The following IDH3A variants were observed in gnomAD, a reference collection of about 807,000 sequenced individuals.
IDH3A encodes isocitrate dehydrogenase [NAD] subunit alpha, mitochondrial.
A neutral mutation model predicts 43.3 loss-of-function variants in IDH3A; 23 were observed. The observed-to-expected ratio is 0.53, with a 90% confidence interval of 0.38 to 0.75. The LOEUF (loss-of-function observed/expected upper bound fraction) is 0.75, where lower values mean the gene tolerates loss of function less well. IDH3A is among the 30% of genes least tolerant of loss of function. The probability of loss-of-function intolerance (pLI) is 0.00; values close to 1 mark genes in which losing one functional copy is unlikely to be tolerated. For missense variants in IDH3A, 329 were observed against 474.4 expected, an observed-to-expected ratio of 0.69 and a Z score of 2.85; for synonymous variants, 154 against 163.5, an observed-to-expected ratio of 0.94 and a Z score of 0.44.
rs1330158260 is a variant in IDH3A, at chr15:78,171,616, T to C, written c.*2611T>C. 7 of 1,112,670 alleles carry C rather than the reference T, an allele frequency of 6.3e-6. No homozygotes were observed. The highest frequency in any genetic ancestry group is 1.6e-5 in the African/African-American group (1 of 63,844). 68.9% of individuals were successfully genotyped at this position (1,112,670 alleles called of 1,614,324 possible). A position where few individuals can be genotyped will look rare whatever the true frequency, so the allele number is the denominator to read the frequency against. On this transcript the variant is annotated 3_prime_UTR_variant, in exon 11 of 11. Coordinates refer to ENST00000299518, the MANE Select transcript of IDH3A (RefSeq NM_005530.3). ...TGGTAAAGACTCACACTCAGTCCTA[T>C]ATATAACTCAGGAATTAAGCCAGAT...
chr15:78,168,640 G>T, intron 10 of IDH3A: 1 of 268,926 alleles, frequency 3.7e-6, no homozygotes, highest in Non-Finnish European at 7.0e-6. Context: ...AGGGTCTATT[G>T]TGTGAACAAA....
At chr15:78,159,352 TA>T (rs2074658421) in intron 3 of IDH3A, among the ~76,000 whole-genome samples, 1 of 152,146 alleles carries the variant, frequency 6.6e-6, no homozygotes, top group African/African-American at 2.4e-5. Context: ...CTACTTTCTG[TA>T]TCTGTAGATT....
chr15:78,163,803 T>A, intron 8 of IDH3A, 23 bp downstream of exon 8: 1 of 1,488,732 alleles, frequency 6.7e-7, no homozygotes. Flanking sequence ...GCAACCTATT[T>A]ATTTTAGCCT....
rs1009961229 is a variant in IDH3A, at chr15:78,157,534, T to A, written c.91-14T>A. 1 of 1,570,842 alleles carries A rather than the reference T, an allele frequency of 6.4e-7. No homozygotes were observed. On this transcript the variant is annotated splice_polypyrimidine_tract_variant and intron_variant, in intron 2 of 10. Transcript: ENST00000299518. ...AAATTCTTACTGTCTTCTTTGATGA[T>A]TTCTTATGTTCAGGTTCAGACAGTA...
rs1400405624 is a variant in IDH3A at position 78,161,406 on chromosome 15, G to T, written c.290-175G>T. On this transcript the variant is annotated intron_variant, in intron 4 of 10. Coordinates refer to ENST00000299518, the MANE Select transcript of IDH3A (RefSeq NM_005530.3). This position sits in a 1 kb window ranked among gnomAD's most constrained non-coding sequence, Gnocchi z 4.8. ...TCAGGAAGTTCTGAAGATAAGAAAC[G>T]CAGTTAATGTTCCAGAAAGCTCCCG... 6.6e-6 allele frequency among the ~76,000 whole-genome samples: 1 copy of T among 152,132 alleles called. No individual in the cohort carries two copies. Among genetic ancestry groups the T allele is most frequent in the African/African-American group, 2.4e-5 (1 of 41,434 alleles).
At chr15:78,157,406 G>A (rs12904688) in intron 2 of IDH3A, 142 bp from the exon 3 acceptor site, 86 of 652,436 alleles carry the variant, frequency 1.3e-4, no homozygotes, top group East Asian at 9.3e-4. Context: ...GATGACCCCC[G>A]GGGAGGTATG....
rs147906870 is a variant in IDH3A at position 78,162,990 on chromosome 15, G to A, written c.612-517G>A. On this transcript the variant is annotated intron_variant, in intron 6 of 10. Coordinates refer to ENST00000299518, the MANE Select transcript of IDH3A (RefSeq NM_005530.3). ...AGCCTCGGGGTCCCCAGATGCTGTGGCCATCAGCAGAGGCCACATAGCGTA... is the reference window on the plus strand; with the variant it reads ...AGCCTCGGGGTCCCCAGATGCTGTGACCATCAGCAGAGGCCACATAGCGTA... Among the ~76,000 whole-genome samples, 14 of 152,280 alleles carry A rather than the reference G, an allele frequency of 9.2e-5. No individual in the cohort carries two copies. In the East Asian group the frequency reaches 1.9e-3, roughly 21 times the overall value.
intron 2 of IDH3A, among the ~76,000 whole-genome samples, chr15:78,156,123 A>G (rs971901096): frequency 3.9e-5 from 6 of 152,222 alleles, no homozygotes; most frequent in African/African-American, 1.4e-4. Context: ...GGCTCTGCTT[A>G]TGCCAAAAAT....
chr15:78,165,306 C>G (rs1462458623), intron 9 of IDH3A, among the ~76,000 whole-genome samples: 2 of 152,094 alleles, frequency 1.3e-5, no homozygotes, highest in Non-Finnish European at 2.9e-5. Flanking sequence ...ATTCTCCTGC[C>G]TCAGCCTCTC....
At chr15:78,156,596 G>A (rs1162210995) in intron 2 of IDH3A, among the ~76,000 whole-genome samples, 1 of 152,194 alleles carries the variant, frequency 6.6e-6, no homozygotes, top group Non-Finnish European at 1.5e-5. Context: ...ATCATTGGAA[G>A]GCAAAGGACC....
intron 2 of IDH3A, 140 bp from the exon 3 acceptor site, chr15:78,157,408 G>A: frequency 1.5e-6 from 1 of 656,582 alleles, no homozygotes; most frequent in Non-Finnish European, 2.5e-6. Flanking sequence ...TGACCCCCGG[G>A]GAGGTATGTT....
At chr15:78,162,640 G>A (rs1387707879) in intron 6 of IDH3A, among the ~76,000 whole-genome samples, 1 of 151,278 alleles carries the variant, frequency 6.6e-6, no homozygotes, top group Non-Finnish European at 1.5e-5. Context: ...CCGCCTCCCG[G>A]GTTCCAGCAA....
chr15:78,171,502 G>C lies in IDH3A; in HGVS notation c.*2497G>C, dbSNP rs1037669159. The C allele has an allele frequency of 6.2e-7, 1 of 1,614,174 alleles. No homozygotes were observed. Among genetic ancestry groups the C allele is most frequent in the Non-Finnish European group, 8.5e-7 (1 of 1,180,012 alleles). On this transcript the variant is annotated 3_prime_UTR_variant, in exon 11 of 11. Transcript: ENST00000299518. ...GATACCTTTGTACTTCTCCAAAACT[G>C]TGAGCCGTTTCAGTTTCATCGTGGG...
At position 78,161,853 on chromosome 15, in the gene IDH3A, CTG is replaced by C; in HGVS notation, c.477+88_477+89del. 1.7e-6 allele frequency: 2 copies of C among 1,191,704 alleles called. No homozygotes were observed. The highest frequency in any genetic ancestry group is 2.7e-5 in the South Asian group (2 of 74,422). 73.8% of individuals were successfully genotyped at this position (1,191,704 alleles called of 1,614,324 possible). ...CCCCAGAGACAGATCTGCTTTATCT[CTG>C]TGAGGAGTTGTGGGTGTTTGTCTTG... On this transcript the variant is annotated intron_variant, in intron 5 of 10. Coordinates refer to ENST00000299518, the MANE Select transcript of IDH3A (RefSeq NM_005530.3). This position sits in a 1 kb window ranked among gnomAD's most constrained non-coding sequence, Gnocchi z 4.8.
At chr15:78,158,332 T>C (rs959183293) in intron 3 of IDH3A, among the ~76,000 whole-genome samples, 12 of 151,354 alleles carry the variant, frequency 7.9e-5, no homozygotes, top group Admixed American at 7.9e-4. Flanking sequence ...TGAGCTCGTG[T>C]CCTAGGACAT....
Position 78,161,865 on chromosome 15 carries a change from G to A in IDH3A, c.477+97G>A. The A allele has an allele frequency of 9.2e-7, 1 of 1,083,962 alleles. No homozygotes were observed. The highest frequency in any genetic ancestry group is 1.4e-6 in the Non-Finnish European group (1 of 728,830). The allele number at this position is 1,083,962 out of a possible 1,614,324, so 67.1% of individuals were successfully genotyped here. On this transcript the variant is annotated intron_variant, in intron 5 of 10. Transcript: ENST00000299518. This position sits in a 1 kb window ranked among gnomAD's most constrained non-coding sequence, Gnocchi z 4.8. ...ATCTGCTTTATCTCTGTGAGGAGTT[G>A]TGGGTGTTTGTCTTGGTGCTGGGTG...
intron 9 of IDH3A, among the ~76,000 whole-genome samples, 198 bp downstream of exon 9, chr15:78,165,274 C>A (rs1324669321): frequency 6.6e-6 from 1 of 152,116 alleles, no homozygotes; most frequent in Non-Finnish European, 1.5e-5. Context: ...TCACTGCAAC[C>A]TCTGCCTCCC....
intron 1 of IDH3A, 64 bp from the exon 2 acceptor site, chr15:78,155,149 C>A: frequency 8.3e-7 from 1 of 1,203,044 alleles, no homozygotes; most frequent in South Asian, 1.3e-5. Context: ...AGGACTTCCT[C>A]GCTCTTGTTT....
In IDH3A at chr15:78,161,838, A is replaced by G. The variant is rs2074684121; in HGVS notation, c.477+70A>G. 2.2e-6 allele frequency: 3 copies of G among 1,335,752 alleles called. No homozygotes were observed. The East Asian group carries it at 6.9e-5, about 31-fold the overall frequency. 82.7% of individuals were successfully genotyped at this position (1,335,752 alleles called of 1,614,324 possible). ...TCTGTGCATCTGGGACCCCAGAGAC[A>G]GATCTGCTTTATCTCTGTGAGGAGT... On this transcript the variant is annotated intron_variant, in intron 5 of 10. Transcript: ENST00000299518. The surrounding 1 kb of genome is among the most constrained non-coding windows in gnomAD (Gnocchi z 4.8).
Sources: gnomAD v4.1 joint callset for allele counts (sites outside exome capture counted in the v4.1 genomes callset) on GRCh38, gnomAD v4.1.1 for gene constraint, Gnocchi (gnomAD v3.1) non-coding constraint, MANE v1.5 for transcripts, NCBI Gene and HGNC (gene_info 2026-07-23, HGNC 2026-07-21) for gene names.